SUGCT: variants seen among roughly 807,000 people sequenced by gnomAD.
SUGCT encodes the protein succinyl-CoA:glutarate-CoA transferase, also known as succinyl-CoA:glutarate CoA-transferase.
SUGCT carries 41 observed loss-of-function variants against 55.0 expected under a neutral mutation model. That is an observed-to-expected ratio of 0.74 (90% CI 0.58 to 0.97). The LOEUF (loss-of-function observed/expected upper bound fraction) is 0.97, where lower values mean the gene tolerates loss of function less well. SUGCT is among the 50% of genes least tolerant of loss of function. The pLI is 0.00. For synonymous variants in SUGCT, 187 were observed against 200.4 expected (o/e 0.93, Z 0.56); for missense variants, 568 against 547.8 (o/e 1.04, Z -0.37).
intron 8 of SUGCT, among the ~76,000 whole-genome samples, chr7:40,294,908 G>A (rs1794022083): frequency 6.6e-6 from 1 of 152,218 alleles, no homozygotes; most frequent in Non-Finnish European, 1.5e-5. Context: ...TAGCTTAGCT[G>A]TCAGTTGGAA....
chr7:40,262,286 T>C (rs1791266643), intron 7 of SUGCT, among the ~76,000 whole-genome samples: 1 of 152,100 alleles, frequency 6.6e-6, no homozygotes, highest in Non-Finnish European at 1.5e-5. Flanking sequence ...TCCTGCCTGA[T>C]CTCTGAGTGG....
At chr7:40,568,302 A>G (rs965562735) in intron 12 of SUGCT, among the ~76,000 whole-genome samples, 1 of 152,044 alleles carries the variant, frequency 6.6e-6, no homozygotes, top group African/African-American at 2.4e-5. Context: ...CCTGATAAGA[A>G]TATTTCTTTA....
chr7:40,629,994 C>T (rs1202337788), intron 12 of SUGCT, among the ~76,000 whole-genome samples: 2 of 152,230 alleles, frequency 1.3e-5, no homozygotes, highest in African/African-American at 2.4e-5. Flanking sequence ...CAGGAGAGAA[C>T]GGTTTTGGGG....
intron 9 of SUGCT, among the ~76,000 whole-genome samples, chr7:40,337,249 A>G (rs1796765551): frequency 6.6e-6 from 1 of 152,168 alleles, no homozygotes. Flanking sequence ...AGAGTTCTGT[A>G]GATGTCTATT....
intron 12 of SUGCT, among the ~76,000 whole-genome samples, chr7:40,675,501 C>G (rs1006469791): frequency 2.6e-5 from 4 of 152,150 alleles, no homozygotes; most frequent in Admixed American, 1.3e-4. Context: ...TTATGCTAGG[C>G]TCAGAGAGAG....
At chr7:40,199,045 G>GTGTT (rs1554287674) in intron 6 of SUGCT, among the ~76,000 whole-genome samples, 7 of 147,292 alleles carry the variant, frequency 4.8e-5, no homozygotes, top group Non-Finnish European at 7.5e-5. Context: ...GTGTGTGTGT[G>GTGTT]TTTTTTTTTT....
intron 13 of SUGCT, among the ~76,000 whole-genome samples, chr7:40,768,713 A>G (rs1403945984): frequency 1.3e-5 from 2 of 152,230 alleles, no homozygotes; most frequent in African/African-American, 4.8e-5. Flanking sequence ...CCATATTGCA[A>G]TCCAAATGTT....
At chr7:40,197,233 C>T (rs1786341560) in intron 6 of SUGCT, among the ~76,000 whole-genome samples, 1 of 151,958 alleles carries the variant, frequency 6.6e-6, no homozygotes. Context: ...TTTATAGATC[C>T]ATAATCATAT....
intron 12 of SUGCT, among the ~76,000 whole-genome samples, chr7:40,510,863 A>G (rs1792886510): frequency 2.0e-5 from 3 of 152,182 alleles, no homozygotes; most frequent in African/African-American, 4.8e-5. Context: ...TAAACACCAC[A>G]GTAATAATTG....
At chr7:40,980,823 A>G in the SUGCT span, among the ~76,000 whole-genome samples, 1 of 152,038 alleles carries the variant, frequency 6.6e-6, no homozygotes, top group Non-Finnish European at 1.5e-5. Flanking sequence ...CAGCCTCCCA[A>G]GTAGCTGGGA....
chr7:40,731,706 T>C (rs1158310284), intron 12 of SUGCT, among the ~76,000 whole-genome samples: 2 of 152,172 alleles, frequency 1.3e-5, no homozygotes, highest in Admixed American at 6.5e-5. Context: ...GAAAACAGTA[T>C]TTGGTTTTAA....
At chr7:40,724,136 A>C (rs2128688392) in intron 12 of SUGCT, among the ~76,000 whole-genome samples, 1 of 152,346 alleles carries the variant, frequency 6.6e-6, no homozygotes, top group South Asian at 2.1e-4. Flanking sequence ...GGCAAAAAAA[A>C]TGAGCACATG....
At chr7:41,000,918 AG>A in the SUGCT span, among the ~76,000 whole-genome samples, 1 of 152,162 alleles carries the variant, frequency 6.6e-6, no homozygotes, top group Non-Finnish European at 1.5e-5. Flanking sequence ...TTGACCAACT[AG>A]GTATATAGTC....
intron 9 of SUGCT, chr7:40,387,808 G>T (rs757863357): frequency 2.6e-5 from 4 of 152,192 alleles, no homozygotes; most frequent in Admixed American, 2.0e-4. Flanking sequence ...AATGGGTCCA[G>T]GCACTATGCT....
intron 10 of SUGCT, among the ~76,000 whole-genome samples, chr7:40,455,807 C>T (rs1366151474): frequency 6.6e-6 from 1 of 152,136 alleles, no homozygotes; most frequent in Non-Finnish European, 1.5e-5. Context: ...TCTTTTATTT[C>T]AGTACTGAGT....
At chr7:40,602,341 C>T (rs536703833) in intron 12 of SUGCT, among the ~76,000 whole-genome samples, 5 of 152,212 alleles carry the variant, frequency 3.3e-5, no homozygotes, top group Non-Finnish European at 5.9e-5. Flanking sequence ...AGGGATCTGT[C>T]GGGGGGAAGA....
the SUGCT span, among the ~76,000 whole-genome samples, chr7:40,915,864 C>T: frequency 1.2e-3 from 179 of 152,314 alleles, no homozygotes; most frequent in African/African-American, 4.2e-3. Flanking sequence ...TTTCCCATCG[C>T]ACCCTGTTTT....
At chr7:40,317,409 C>T (rs899423644) in intron 9 of SUGCT, among the ~76,000 whole-genome samples, 5 of 152,158 alleles carry the variant, frequency 3.3e-5, no homozygotes, top group African/African-American at 1.2e-4. Context: ...TAACTGTGAT[C>T]TTTCAAAAAT....
intron 9 of SUGCT, among the ~76,000 whole-genome samples, chr7:40,320,898 A>G (rs1161874074): frequency 6.6e-6 from 1 of 152,122 alleles, no homozygotes; most frequent in African/African-American, 2.4e-5. Context: ...CAAATAGTGT[A>G]TGTCGTATCC....
Sources: allele counts gnomAD v4.1 joint callset (sites outside exome capture counted in the v4.1 genomes callset), GRCh38; gene constraint gnomAD v4.1.1; transcripts MANE v1.5; gene names NCBI Gene and HGNC (gene_info 2026-07-23, HGNC 2026-07-21).